Variants in GPC6 observed in about 807,000 individuals in gnomAD.
The protein encoded by GPC6 is glypican 6.
A neutral mutation model predicts 55.2 loss-of-function variants in GPC6; 14 were observed. The ratio of observed to expected loss-of-function variants is 0.25; its 90% CI spans 0.17 to 0.40. The LOEUF (loss-of-function observed/expected upper bound fraction) is 0.40, where lower values mean the gene tolerates loss of function less well. GPC6 is among the 10% of genes least tolerant of loss of function. The probability of loss-of-function intolerance (pLI) is 1.00; values close to 1 mark genes in which losing one functional copy is unlikely to be tolerated. For missense variants in GPC6, 641 were observed against 708.5 expected (o/e 0.90, Z 1.08); for synonymous variants, 278 against 259.6 (o/e 1.07, Z -0.68).
At chr13:94,020,963 T>TGATATAAG (rs1197755190) in intron 3 of GPC6, among the ~76,000 whole-genome samples, 1 of 152,020 alleles carries the variant, frequency 6.6e-6, no homozygotes, top group Non-Finnish European at 1.5e-5. Flanking sequence ...TAGGATCTGG[T>TGATATAAG]GATATAAGAT....
At chr13:93,517,818 A>T (rs2590529) in intron 1 of GPC6, among the ~76,000 whole-genome samples, 143,328 of 152,012 alleles carry the variant, frequency 0.94, 68,133 homozygotes, top group East Asian at 1. Context: ...TGCCATGAAA[A>T]TGCCTTCATA....
intron 3 of GPC6, among the ~76,000 whole-genome samples, chr13:93,899,932 G>T (rs547259683): frequency 1.3e-5 from 2 of 152,270 alleles, no homozygotes; most frequent in South Asian, 4.1e-4. Context: ...TAATCAAGTA[G>T]TTTGGAAAAT....
chr13:93,655,830 C>T (rs1041214365), intron 2 of GPC6, among the ~76,000 whole-genome samples: 15 of 152,126 alleles, frequency 9.9e-5, no homozygotes, highest in African/African-American at 3.6e-4. Context: ...GCTTGGTTAT[C>T]GTTTTACAGC....
At chr13:93,846,278 A>G (rs553838939) in intron 3 of GPC6, among the ~76,000 whole-genome samples, 16 of 152,288 alleles carry the variant, frequency 1.1e-4, no homozygotes, top group South Asian at 8.3e-4. Flanking sequence ...CCACTATGCT[A>G]AGTACTTTTT....
intron 1 of GPC6, among the ~76,000 whole-genome samples, chr13:93,370,304 G>A (rs115408741): frequency 0.013 from 2,021 of 152,098 alleles, 35 homozygotes; most frequent in African/African-American, 0.047. Flanking sequence ...GCCTTCTGCC[G>A]CTATTCTTTA....
intron 6 of GPC6, among the ~76,000 whole-genome samples, chr13:94,352,669 GC>G (rs1292004069): frequency 1.3e-5 from 2 of 152,130 alleles, no homozygotes; most frequent in Non-Finnish European, 2.9e-5. Context: ...CTCAGGTTCT[GC>G]CCTATTCCTT....
At chr13:94,065,042 G>A (rs903359933) in intron 4 of GPC6, among the ~76,000 whole-genome samples, 1 of 152,128 alleles carries the variant, frequency 6.6e-6, no homozygotes, top group African/African-American at 2.4e-5. Context: ...CTAAGTAAAT[G>A]TGGCTTAAGT....
chr13:94,094,498 A>T (rs1169180011), intron 4 of GPC6, among the ~76,000 whole-genome samples: 3 of 152,186 alleles, frequency 2.0e-5, no homozygotes, highest in African/African-American at 7.2e-5. Flanking sequence ...CACGAAAGAA[A>T]GATGCAGACA....
chr13:94,356,838 G>A (rs1878821193), intron 6 of GPC6, among the ~76,000 whole-genome samples: 1 of 152,174 alleles, frequency 6.6e-6, no homozygotes, highest in Admixed American at 6.5e-5. Flanking sequence ...GGAGTTCAAA[G>A]CTGCAGTGAG....
chr13:93,581,393 A>T (rs1469184409), intron 2 of GPC6, among the ~76,000 whole-genome samples: 1 of 152,220 alleles, frequency 6.6e-6, no homozygotes, highest in Non-Finnish European at 1.5e-5. Flanking sequence ...TAACAAAACC[A>T]ACAGATATAT....
At chr13:94,011,767 A>G (rs1378656047) in intron 3 of GPC6, among the ~76,000 whole-genome samples, 1 of 152,174 alleles carries the variant, frequency 6.6e-6, no homozygotes, top group Non-Finnish European at 1.5e-5. Context: ...GTTCTGCACT[A>G]GCTCTGTTGT....
chr13:93,875,352 G>A (rs187947445), intron 3 of GPC6, among the ~76,000 whole-genome samples: 2 of 151,962 alleles, frequency 1.3e-5, no homozygotes, highest in East Asian at 1.9e-4. Context: ...TTTTCACTTC[G>A]CTGTTGCAAT....
chr13:94,304,127 G>A (rs1449471077), intron 5 of GPC6, among the ~76,000 whole-genome samples: 2 of 152,194 alleles, frequency 1.3e-5, no homozygotes, highest in Admixed American at 6.5e-5. Flanking sequence ...TAGGCACTAC[G>A]GAGAAAAGGG....
chr13:94,032,761 C>G (rs1272874094), intron 4 of GPC6, among the ~76,000 whole-genome samples: 1 of 152,142 alleles, frequency 6.6e-6, no homozygotes, highest in Non-Finnish European at 1.5e-5. Flanking sequence ...CCAGACACAC[C>G]AGTGATATCA....
intron 3 of GPC6, among the ~76,000 whole-genome samples, chr13:93,985,903 G>T (rs530498780): frequency 6.6e-6 from 1 of 152,020 alleles, no homozygotes; most frequent in Admixed American, 6.6e-5. Flanking sequence ...GGGTTAGAAA[G>T]TGAGGACAAC....
At chr13:93,518,580 T>A (rs1000085487) in intron 1 of GPC6, among the ~76,000 whole-genome samples, 5 of 152,008 alleles carry the variant, frequency 3.3e-5, no homozygotes, top group African/African-American at 1.2e-4. Flanking sequence ...TTAACTGTTA[T>A]CTTAGTAAAC....
chr13:94,310,989 A>G (rs1876215368), intron 6 of GPC6, among the ~76,000 whole-genome samples: 1 of 152,156 alleles, frequency 6.6e-6, no homozygotes, highest in Admixed American at 6.5e-5. Flanking sequence ...AGAAAATTCA[A>G]GGGATTAAAA....
At chr13:94,184,384 A>G (rs1056447761) in intron 4 of GPC6, among the ~76,000 whole-genome samples, 5 of 152,302 alleles carry the variant, frequency 3.3e-5, no homozygotes, top group South Asian at 4.1e-4. Flanking sequence ...TTCTCAAACT[A>G]TGCATCCAAC....
intron 2 of GPC6, among the ~76,000 whole-genome samples, chr13:93,719,967 C>A (rs915463505): frequency 1.3e-5 from 2 of 152,090 alleles, no homozygotes; most frequent in African/African-American, 4.8e-5. Context: ...TTTTAATGTG[C>A]TGCTGGATTT....
Sources: allele counts gnomAD v4.1 joint callset (sites outside exome capture counted in the v4.1 genomes callset), GRCh38; gene constraint gnomAD v4.1.1; transcripts MANE v1.5; gene names NCBI Gene and HGNC (gene_info 2026-07-23, HGNC 2026-07-21).